Variants in SRGAP3 observed in about 807,000 individuals in gnomAD.
SRGAP3 encodes SLIT-ROBO Rho GTPase activating protein 3, also known as SLIT-ROBO Rho GTPase-activating protein 3.
Under a neutral mutation model 121.1 loss-of-function variants are expected in SRGAP3, and 39 were observed. The ratio of observed to expected loss-of-function variants is 0.32; its 90% CI spans 0.25 to 0.42. SRGAP3 has a LOEUF of 0.42. Among genes scored for constraint, SRGAP3 ranks in the 10% least tolerant of loss-of-function variants. The pLI is 1.00. For synonymous variants in SRGAP3, 601 were observed against 570.0 expected (o/e 1.05, Z -0.77); for missense variants, 1,213 against 1,470.6 (o/e 0.82, Z 2.86).
intron 7 of SRGAP3, among the ~76,000 whole-genome samples, chr3:9,057,077 G>GT (rs869182402): frequency 6.6e-6 from 1 of 152,082 alleles, no homozygotes; most frequent in Non-Finnish European, 1.5e-5. Context: ...TTGTTTGTTT[G>GT]TTTTTTGTTG....
In SRGAP3 at chr3:9,307,972, T is replaced by G. The variant is rs557268593; in HGVS notation, n.442+18038A>C. Among the ~76,000 whole-genome samples, 4 of 152,350 alleles carry G rather than the reference T, an allele frequency of 2.6e-5. No homozygotes were observed. The South Asian group carries it at 6.2e-4, about 24-fold the overall frequency. ...GAGTTCGAGACAAGCCTGGCCAATA[T>G]GGCGAAACCCCGTCTCTACTAAAAA... On this transcript the variant is annotated intron_variant and non_coding_transcript_variant, in intron 3 of 3. Transcript: ENST00000490889.
intron 2 of SRGAP3, among the ~76,000 whole-genome samples, chr3:9,105,984 T>C (rs1007167545): frequency 1.3e-5 from 2 of 152,232 alleles, no homozygotes; most frequent in Non-Finnish European, 2.9e-5. Context: ...ATGTAATTAG[T>C]TGAATGCTAT....
At chr3:9,056,142 T>C in intron 8 of SRGAP3, 91 bp downstream of exon 8, 2 of 1,159,026 alleles carry the variant, frequency 1.7e-6, no homozygotes, top group Non-Finnish European at 2.6e-6. Context: ...GGAACTATCA[T>C]TTCTTATGCA....
At chr3:9,149,074 C>G (rs569705541) in intron 1 of SRGAP3, among the ~76,000 whole-genome samples, 1 of 151,956 alleles carries the variant, frequency 6.6e-6, no homozygotes, top group South Asian at 2.1e-4. Flanking sequence ...ATTAGCCGAG[C>G]GTGGTGGCAG....
At chr3:8,987,387 C>G (rs1941774998) in intron 21 of SRGAP3, among the ~76,000 whole-genome samples, 2 of 152,162 alleles carry the variant, frequency 1.3e-5, no homozygotes, top group South Asian at 4.2e-4. Flanking sequence ...GGAATGATGA[C>G]TATTAAGACA....
chr3:9,298,127 C>G (rs1026797669), intron 3 of SRGAP3, among the ~76,000 whole-genome samples: 16 of 152,006 alleles, frequency 1.1e-4, no homozygotes, highest in Admixed American at 1.0e-3. Flanking sequence ...GTTATGGCAG[C>G]CTTAGCACAC....
intron 1 of SRGAP3, among the ~76,000 whole-genome samples, chr3:9,153,681 C>A (rs753521761): frequency 2.6e-5 from 4 of 152,120 alleles, no homozygotes; most frequent in Admixed American, 6.5e-5. Flanking sequence ...TCAAAATATA[C>A]ACATGGAGGG....
At chr3:9,354,487 G>A (rs2030378495) in intron 1 of SRGAP3, among the ~76,000 whole-genome samples, 1 of 152,036 alleles carries the variant, frequency 6.6e-6, no homozygotes, top group Non-Finnish European at 1.5e-5. Flanking sequence ...AAACCATCCT[G>A]GCTAACACGG....
At chr3:9,115,101 C>T (rs1354060655) in intron 2 of SRGAP3, among the ~76,000 whole-genome samples, 2 of 152,086 alleles carry the variant, frequency 1.3e-5, no homozygotes, top group African/African-American at 4.8e-5. Context: ...TGGGTCAGTT[C>T]TTTCACGGGT....
At position 9,049,238 on chromosome 3, in the gene SRGAP3, G is replaced by A. The variant is rs1376465860; in HGVS notation, c.1324-1763C>T. 3.7e-5 allele frequency: 12 copies of A among 322,170 alleles called. No individual in the cohort carries two copies. In the Admixed American group the frequency reaches 4.2e-4, roughly 11 times the overall value. 20.0% of individuals were successfully genotyped at this position (322,170 alleles called of 1,614,324 possible). A position where few individuals can be genotyped will look rare whatever the true frequency, so the allele number is the denominator to read the frequency against. On this transcript the variant is annotated intron_variant, in intron 9 of 21. Coordinates refer to ENST00000383836, the MANE Select transcript of SRGAP3 (RefSeq NM_014850.4). The stretch of plus-strand genomic sequence containing the variant: ...GGCTGACACATACACAAATAAGACT[G>A]GGGTCACCTCACACTGGCCCACCTT...
intron 1 of SRGAP3, among the ~76,000 whole-genome samples, chr3:9,154,038 T>C (rs1298881024): frequency 6.6e-6 from 1 of 151,796 alleles, no homozygotes; most frequent in African/African-American, 2.4e-5. Context: ...AAGCCAGCTC[T>C]GAGCACTGAA....
At chr3:9,073,649 C>T (rs963567718) in intron 4 of SRGAP3, among the ~76,000 whole-genome samples, 18 of 152,174 alleles carry the variant, frequency 1.2e-4, no homozygotes, top group Admixed American at 7.2e-4. Context: ...CAAAGGGTTA[C>T]GATGAGGATG....
At chr3:9,041,151 A>G (rs1944994277) in intron 10 of SRGAP3, among the ~76,000 whole-genome samples, 1 of 152,258 alleles carries the variant, frequency 6.6e-6, no homozygotes, top group Non-Finnish European at 1.5e-5. Flanking sequence ...TCCTGTCACA[A>G]CAGATGAGCA....
chr3:9,200,361 T>C (rs1952034247), intron 1 of SRGAP3, among the ~76,000 whole-genome samples: 1 of 152,222 alleles, frequency 6.6e-6, no homozygotes, highest in Non-Finnish European at 1.5e-5. Flanking sequence ...TCAATATGTA[T>C]TTGTTGGTGC....
chr3:9,089,104 C>T (rs987883607), intron 3 of SRGAP3, among the ~76,000 whole-genome samples: 6 of 152,022 alleles, frequency 3.9e-5, no homozygotes, highest in African/African-American at 9.7e-5. Flanking sequence ...TAGGCACTAA[C>T]GACACAAAGC....
intron 1 of SRGAP3, among the ~76,000 whole-genome samples, chr3:9,191,126 C>T (rs1357638940): frequency 6.6e-6 from 1 of 152,308 alleles, no homozygotes; most frequent in East Asian, 1.9e-4. Flanking sequence ...TCTCTGGAGA[C>T]TGGGAGAGCA....
At chr3:9,361,705 CT>C (rs1282742773) in intron 1 of SRGAP3, among the ~76,000 whole-genome samples, 11 of 152,102 alleles carry the variant, frequency 7.2e-5, no homozygotes, top group Admixed American at 4.6e-4. Flanking sequence ...GAAACCAGCC[CT>C]TTTGAAAGAC....
chr3:9,243,634 T>TAA (rs34944051), intron 1 of SRGAP3, among the ~76,000 whole-genome samples: 11,242 of 137,006 alleles, frequency 0.082, 775 homozygotes, highest in African/African-American at 0.17. Flanking sequence ...GACTCTGTCT[T>TAA]AAAAAAAAAA....
In SRGAP3 at chr3:9,220,340, T is replaced by A. The variant is rs570399142; in HGVS notation, c.67+28545A>T. Among the ~76,000 whole-genome samples the A allele has an allele frequency of 2.6e-5, 4 of 151,952 alleles. No individual in the cohort carries two copies. In the South Asian group the frequency reaches 6.2e-4, roughly 24 times the overall value. ...TTATGCATCAATTAAAGCAATTTTT[T>A]AAAAAAGAATTCATATCCAGATCAT... is the stretch of plus-strand genomic sequence containing the variant. On this transcript the variant is annotated intron_variant, in intron 1 of 21. Transcript: ENST00000383836.
Sources: gnomAD v4.1 joint callset for allele counts (sites outside exome capture counted in the v4.1 genomes callset) on GRCh38, gnomAD v4.1.1 for gene constraint, MANE v1.5 for transcripts, NCBI Gene and HGNC (gene_info 2026-07-23, HGNC 2026-07-21) for gene names.